The following RIMS1 variants were observed in gnomAD, a reference collection of about 807,000 sequenced individuals.
RIMS1 encodes the protein regulating synaptic membrane exocytosis 1.
RIMS1 carries 83 observed loss-of-function variants against 214.1 expected under a neutral mutation model. The ratio of observed to expected loss-of-function variants is 0.39; its 90% CI spans 0.32 to 0.47. The LOEUF (loss-of-function observed/expected upper bound fraction) is 0.47. Ranked by LOEUF, RIMS1 falls within the 20% of genes least tolerant of loss-of-function variation. The pLI is 0.99. For missense variants in RIMS1, 2,050 were observed against 2,161.8 expected, an observed-to-expected ratio of 0.95 and a Z score of 1.03; for synonymous variants, 793 against 786.8, an observed-to-expected ratio of 1.01 and a Z score of -0.13.
chr6:72,324,175 C>T (rs966456910), intron 28 of RIMS1, among the ~76,000 whole-genome samples: 9 of 151,664 alleles, frequency 5.9e-5, no homozygotes, highest in Non-Finnish European at 1.2e-4. Context: ...GAAGCACTAG[C>T]CTTGAGGAAG....
chr6:71,913,814 G>A (rs2150637416), intron 1 of RIMS1, among the ~76,000 whole-genome samples: 1 of 152,160 alleles, frequency 6.6e-6, no homozygotes, highest in African/African-American at 2.4e-5. Context: ...CAACTCCTGA[G>A]GACACCCCTG....
intron 3 of RIMS1, among the ~76,000 whole-genome samples, chr6:72,098,535 T>C (rs2032601694): frequency 1.3e-5 from 2 of 152,116 alleles, no homozygotes; most frequent in South Asian, 4.2e-4. Flanking sequence ...CCTCAGGTGA[T>C]CCGCCCGTCT....
chr6:72,363,358 T>C (rs2154387501), intron 29 of RIMS1, among the ~76,000 whole-genome samples: 1 of 152,316 alleles, frequency 6.6e-6, no homozygotes, highest in Non-Finnish European at 1.5e-5. Context: ...TTTGTGACCA[T>C]GTTTGCAATT....
At position 72,008,368 on chromosome 6, in the gene RIMS1, C is replaced by T. The variant is rs921201819; in HGVS notation, c.245+39305C>T. ...CAACTGGTACCAGCCACTGCAAAAA[C>T]ATGTCAAATTGTAAAGACCGTCGAG... On this transcript the variant is annotated intron_variant, in intron 2 of 33. Transcript: ENST00000521978. Among the ~76,000 whole-genome samples, 11 of 152,298 alleles carry T rather than the reference C, an allele frequency of 7.2e-5. No individual in the cohort carries two copies. The East Asian group carries it at 1.7e-3, about 24-fold the overall frequency.
intron 2 of RIMS1, among the ~76,000 whole-genome samples, chr6:72,046,279 TG>T (rs1361981100): frequency 6.6e-6 from 1 of 151,852 alleles, no homozygotes; most frequent in Non-Finnish European, 1.5e-5. Flanking sequence ...TATCCATCAT[TG>T]TGTGTGTGTG....
chr6:72,165,107 T>C (rs955958472), intron 4 of RIMS1, among the ~76,000 whole-genome samples: 3 of 152,196 alleles, frequency 2.0e-5, no homozygotes, highest in Non-Finnish European at 4.4e-5. Context: ...AATATTTTTT[T>C]CCATATTTTA....
intron 4 of RIMS1, among the ~76,000 whole-genome samples, chr6:72,144,814 A>G (rs1263338351): frequency 6.6e-6 from 1 of 152,214 alleles, no homozygotes; most frequent in African/African-American, 2.4e-5. Flanking sequence ...AAATGCAGAC[A>G]AAAACTTAAA....
chr6:72,015,906 A>G (rs529708858), intron 2 of RIMS1, among the ~76,000 whole-genome samples: 2 of 152,298 alleles, frequency 1.3e-5, no homozygotes, highest in East Asian at 3.9e-4. Context: ...AGGCTGGGTG[A>G]CAGAGCGAGA....
chr6:72,240,148 C>T (rs1317052129), intron 9 of RIMS1, among the ~76,000 whole-genome samples: 5 of 152,004 alleles, frequency 3.3e-5, no homozygotes, highest in Admixed American at 6.6e-5. Context: ...TCTTTGTACC[C>T]TCATTGTCTA....
intron 12 of RIMS1, 23 bp from the exon 13 acceptor site, chr6:72,250,307 A>G: frequency 1.3e-6 from 2 of 1,585,052 alleles, no homozygotes; most frequent in South Asian, 1.2e-5. Context: ...TTTACAAATA[A>G]TTCCTTTCCT....
chr6:72,271,283 AAAAATAT>A (rs1381897744), intron 22 of RIMS1, among the ~76,000 whole-genome samples: 3 of 76,816 alleles, frequency 3.9e-5, no homozygotes, highest in African/African-American at 1.1e-4. Context: ...AAAAAAAAAA[AAAAATAT>A]ATATATATAT....
intron 6 of RIMS1, among the ~76,000 whole-genome samples, chr6:72,217,762 C>T (rs1339830888): frequency 9.9e-5 from 15 of 152,156 alleles, no homozygotes; most frequent in African/African-American, 3.4e-4. Flanking sequence ...CCTGTGTTTT[C>T]GGTGATGTTA....
intron 26 of RIMS1, among the ~76,000 whole-genome samples, chr6:72,293,676 A>G (rs950225683): frequency 1.3e-5 from 2 of 151,874 alleles, no homozygotes; most frequent in African/African-American, 4.8e-5. Context: ...TAACTCTCCT[A>G]TAGTGAGATT....
At chr6:71,987,748 T>C (rs1485495589) in intron 2 of RIMS1, among the ~76,000 whole-genome samples, 2 of 152,186 alleles carry the variant, frequency 1.3e-5, no homozygotes, top group East Asian at 3.9e-4. Context: ...GTGGACTTAT[T>C]AGTCAAGGGT....
At chr6:71,911,126 CA>C (rs1238071533) in intron 1 of RIMS1, among the ~76,000 whole-genome samples, 1 of 152,178 alleles carries the variant, frequency 6.6e-6, no homozygotes, top group African/African-American at 2.4e-5. Context: ...ACGTCCCACA[CA>C]GGCAGTTTAC....
At chr6:71,945,751 C>CT (rs397776439) in intron 1 of RIMS1, among the ~76,000 whole-genome samples, 114,713 of 143,600 alleles carry the variant, frequency 0.8, 45,860 homozygotes, top group East Asian at 0.99. Context: ...ATGATGTAAT[C>CT]TTTTTTTTTT....
chr6:72,084,114 A>ACAC (rs1270393414), intron 2 of RIMS1, among the ~76,000 whole-genome samples: 2 of 152,154 alleles, frequency 1.3e-5, no homozygotes. Context: ...ATATGTGTAG[A>ACAC]CACCACTGTC....
chr6:72,045,731 T>G (rs1353818714), intron 2 of RIMS1, among the ~76,000 whole-genome samples: 1 of 151,934 alleles, frequency 6.6e-6, no homozygotes, highest in Admixed American at 6.6e-5. Context: ...TATTTTCATT[T>G]GTATTTTTTT....
At chr6:72,098,636 TCTGTGG>T (rs2032654152) in intron 3 of RIMS1, among the ~76,000 whole-genome samples, 1 of 152,172 alleles carries the variant, frequency 6.6e-6, no homozygotes, top group African/African-American at 2.4e-5. Flanking sequence ...TGTTACTACC[TCTGTGG>T]CTTTAGGAAG....
Sources: gnomAD v4.1 joint callset for allele counts (sites outside exome capture counted in the v4.1 genomes callset) on GRCh38, gnomAD v4.1.1 for gene constraint, MANE v1.5 for transcripts, NCBI Gene and HGNC (gene_info 2026-07-23, HGNC 2026-07-21) for gene names.